Variants in COL26A1 observed in about 807,000 individuals in gnomAD.
COL26A1 encodes collagen alpha-1(XXVI) chain.
In COL26A1, 41 loss-of-function variants were observed where a neutral mutation model predicts 59.3. The observed-to-expected ratio is 0.69, with a 90% CI of 0.54 to 0.90. COL26A1 has a LOEUF of 0.90. Among genes scored for constraint, COL26A1 ranks in the 40% least tolerant of loss-of-function variants. COL26A1 has a pLI of 0.00. For missense variants in COL26A1, 612 were observed against 602.3 expected, an observed-to-expected ratio of 1.02 and a Z score of -0.17; for synonymous variants, 266 against 256.0, an observed-to-expected ratio of 1.04 and a Z score of -0.37.
In COL26A1 at chr7:101,489,830, CTTTCTTT is replaced by C. The variant is rs1563008155; in HGVS notation, c.385+42044_385+42050del. Among the ~76,000 whole-genome samples, 52 of 11,568 alleles carry C rather than the reference CTTTCTTT, an allele frequency of 4.5e-3. 3 individuals carry two copies. Among genetic ancestry groups the C allele is most frequent in the Admixed American group, 6.9e-3 (7 of 1,016 alleles). The allele number at this position is 11,568 out of a possible 152,430, so 7.6% of individuals were successfully genotyped here. On this transcript the variant is annotated intron_variant, in intron 3 of 12. Coordinates refer to ENST00000313669, the MANE Select transcript of COL26A1 (RefSeq NM_001278563.3). ...TCTTTCTTTCTTTCTTTCTTTCTTT[CTTTCTTT>C]CTTTCTTTCTTTCTTTCTTTCTTTC...
chr7:101,422,849 C>T (rs757457993), intron 2 of COL26A1, among the ~76,000 whole-genome samples: 1 of 152,168 alleles, frequency 6.6e-6, no homozygotes, highest in Non-Finnish European at 1.5e-5. Flanking sequence ...CCATGTTGCC[C>T]AGGCTGGTCT....
chr7:101,497,307 G>C (rs1357749171), intron 3 of COL26A1, among the ~76,000 whole-genome samples: 2 of 152,192 alleles, frequency 1.3e-5, no homozygotes, highest in African/African-American at 4.8e-5. Flanking sequence ...CTCCTCCTGT[G>C]TCAAGTTCAC....
At chr7:101,474,211 A>T (rs1793981173) in intron 3 of COL26A1, among the ~76,000 whole-genome samples, 1 of 152,198 alleles carries the variant, frequency 6.6e-6, no homozygotes, top group Non-Finnish European at 1.5e-5. Flanking sequence ...CCACATAGAT[A>T]GTAAGTGAAT....
intron 1 of COL26A1, among the ~76,000 whole-genome samples, chr7:101,385,228 ACAC>A (rs1212605533): frequency 0.18 from 3,632 of 20,288 alleles, 123 homozygotes; most frequent in African/African-American, 0.3. Context: ...ACACACACAC[ACAC>A]TATATATATA....
In COL26A1 at chr7:101,466,835, T is replaced by TGA. The variant is rs1554416669; in HGVS notation, c.385+19049_385+19050insAG. ...GTGTGTGTGTGTGTGTGTGTGTGTG[T>TGA]GTGAGAGAGAGAGATTCAGTCTCTG... On this transcript the variant is annotated intron_variant, in intron 3 of 12. Transcript: ENST00000313669. Among the ~76,000 whole-genome samples the TGA allele has an allele frequency of 7.5e-3, 615 of 81,544 alleles. 6 individuals carry two copies. The highest frequency in any genetic ancestry group is 0.025 in the African/African-American group (551 of 21,684). The allele number at this position is 81,544 out of a possible 152,430, so 53.5% of individuals were successfully genotyped here.
intron 3 of COL26A1, among the ~76,000 whole-genome samples, chr7:101,532,542 G>A (rs556491954): frequency 2.6e-4 from 39 of 152,138 alleles, no homozygotes; most frequent in African/African-American, 8.9e-4. Context: ...GCTGAACCTG[G>A]CCAGCTATTG....
chr7:101,420,012 C>A lies in COL26A1; in HGVS notation c.194C>A (p.Ser65Tyr). ...WCHHTVTRTV[S>Y]CQVQNGSETV... ...CATCACACAGTGACACGGACGGTGT[C>A]CTGCCAGGTGCAGAATGGCTCGGAG... The change falls in exon 2 of 13, where the codon TCC (serine) becomes TAC (tyrosine). Residue 65 changes from serine to tyrosine, a missense_variant. Ser to Tyr is a moderately radical substitution (Grantham distance 144). Coordinates refer to ENST00000313669, the MANE Select transcript of COL26A1 (RefSeq NM_001278563.3). 6.2e-7 allele frequency: 1 copy of A among 1,613,782 alleles called. No individual in the cohort carries two copies. The highest frequency in any genetic ancestry group is 8.5e-7 in the Non-Finnish European group (1 of 1,179,870).
chr7:101,558,223 G>A lies in COL26A1; in HGVS notation c.*693G>A, dbSNP rs906656218. 6.6e-6 allele frequency: 1 copy of A among 152,450 alleles called. No individual in the cohort carries two copies. The highest frequency in any genetic ancestry group is 1.5e-5 in the Non-Finnish European group (1 of 68,220). The allele number at this position is 152,450 out of a possible 1,614,324, so 9.4% of individuals were successfully genotyped here. A position where few individuals can be genotyped will look rare whatever the true frequency, so the allele number is the denominator to read the frequency against. On this transcript the variant is annotated 3_prime_UTR_variant, in exon 13 of 13. Coordinates refer to ENST00000313669, the MANE Select transcript of COL26A1 (RefSeq NM_001278563.3). ...CCCCACTGGCTGGGGGAGCAGCCTGGACTGCAGCTCTCAGAGGCCAGGGAG... is the reference window on the plus strand; with the variant it reads ...CCCCACTGGCTGGGGGAGCAGCCTGAACTGCAGCTCTCAGAGGCCAGGGAG...
chr7:101,363,538 G>A (rs2116985917), intron 1 of COL26A1, among the ~76,000 whole-genome samples: 1 of 144,258 alleles, frequency 6.9e-6, no homozygotes, highest in East Asian at 2.1e-4. Flanking sequence ...TGGGGCGCGG[G>A]GCGGCGGGGG....
chr7:101,492,065 G>A (rs1253237506), intron 3 of COL26A1, among the ~76,000 whole-genome samples: 1 of 152,052 alleles, frequency 6.6e-6, no homozygotes, highest in Non-Finnish European at 1.5e-5. Flanking sequence ...ATGAGGGCAG[G>A]GTGCTCACCT....
In COL26A1 at chr7:101,386,120, C is replaced by T. The variant is rs572597702; in HGVS notation, c.158+22930C>T. On this transcript the variant is annotated intron_variant, in intron 1 of 12. Coordinates refer to ENST00000313669, the MANE Select transcript of COL26A1 (RefSeq NM_001278563.3). ...CTTCATCTTTTTTGCAGAGGATGTC[C>T]GAAGTAGAAGGCTCTGAGGGGAGAG... 3.9e-5 allele frequency among the ~76,000 whole-genome samples: 6 copies of T among 152,152 alleles called. No homozygotes were observed. The East Asian group carries it at 5.8e-4, about 15-fold the overall frequency.
chr7:101,530,706 G>A (rs1209552954), intron 3 of COL26A1, among the ~76,000 whole-genome samples: 1 of 151,944 alleles, frequency 6.6e-6, no homozygotes, highest in African/African-American at 2.4e-5. Flanking sequence ...GTCAGCGTCG[G>A]TGGGTCTTTC....
chr7:101,376,137 CAAAA>C lies in COL26A1; in HGVS notation c.158+12960_158+12963del, dbSNP rs34061057. Among the ~76,000 whole-genome samples, 1,099 of 132,336 alleles carry C rather than the reference CAAAA, an allele frequency of 8.3e-3. 15 individuals carry two copies. The highest frequency in any genetic ancestry group is 0.011 in the Non-Finnish European group (725 of 63,172). 86.8% of individuals were successfully genotyped at this position (132,336 alleles called of 152,430 possible). On this transcript the variant is annotated intron_variant, in intron 1 of 12. Coordinates refer to ENST00000313669, the MANE Select transcript of COL26A1 (RefSeq NM_001278563.3). ...GCAATATAGCAAGACCCTGTATCTACAAAAAAAAAAAAAAAAGAATAGAAACTAG... is the reference window on the plus strand; with the variant it reads ...GCAATATAGCAAGACCCTGTATCTACAAAAAAAAAAAAGAATAGAAACTAG...
intron 1 of COL26A1, among the ~76,000 whole-genome samples, chr7:101,400,883 G>A (rs1195080133): frequency 6.6e-6 from 1 of 152,082 alleles, no homozygotes; most frequent in East Asian, 1.9e-4. Flanking sequence ...TCCTTCACTT[G>A]TTCATTCAGT....
At chr7:101,462,818 G>A (rs1317683652) in intron 3 of COL26A1, among the ~76,000 whole-genome samples, 1 of 151,564 alleles carries the variant, frequency 6.6e-6, no homozygotes, top group African/African-American at 2.4e-5. Context: ...GGGGCCCCAC[G>A]CAGACCAGGA....
intron 11 of COL26A1, among the ~76,000 whole-genome samples, chr7:101,554,162 G>C (rs1230172523): frequency 6.6e-6 from 1 of 152,084 alleles, no homozygotes; most frequent in Non-Finnish European, 1.5e-5. Flanking sequence ...GTTGCGTGGG[G>C]GTGCCACTGA....
At chr7:101,491,899 C>T (rs1165414143) in intron 3 of COL26A1, among the ~76,000 whole-genome samples, 2 of 152,170 alleles carry the variant, frequency 1.3e-5, no homozygotes, top group Non-Finnish European at 2.9e-5. Flanking sequence ...TGCCTAGCTC[C>T]TATTTAAGAT....
At chr7:101,406,614 A>T (rs1034994964) in intron 1 of COL26A1, among the ~76,000 whole-genome samples, 5 of 152,184 alleles carry the variant, frequency 3.3e-5, no homozygotes, top group African/African-American at 1.2e-4. Context: ...CTGCCCCAGC[A>T]GGTACTCCTG....
chr7:101,483,695 A>T (rs1338226438), intron 3 of COL26A1, among the ~76,000 whole-genome samples: 1 of 147,252 alleles, frequency 6.8e-6, no homozygotes, highest in Non-Finnish European at 1.5e-5. Flanking sequence ...TTTTTGAGAC[A>T]GTGTCTCTCA....
Sources: gnomAD v4.1 joint callset for allele counts (sites outside exome capture counted in the v4.1 genomes callset) on GRCh38, gnomAD v4.1.1 for gene constraint, MANE v1.5 for transcripts, NCBI Gene and HGNC (gene_info 2026-07-23, HGNC 2026-07-21) for gene names.